The following PRKCA variants were observed in gnomAD, a reference collection of about 807,000 sequenced individuals.
PRKCA encodes protein kinase C alpha.
PRKCA carries 27 observed loss-of-function variants against 87.0 expected under a neutral mutation model. That is an observed-to-expected ratio of 0.31 (90% confidence interval 0.23 to 0.43). PRKCA has a LOEUF of 0.43. Ranked by LOEUF, PRKCA falls within the 20% of genes least tolerant of loss-of-function variation. PRKCA has a pLI of 1.00. For synonymous variants in PRKCA, 329 were observed against 311.1 expected (o/e 1.06, Z -0.61); for missense variants, 518 against 852.3 (o/e 0.61, Z 4.88).
chr17:66,623,988 T>C (rs1041753070), intron 3 of PRKCA, among the ~76,000 whole-genome samples: 8 of 152,112 alleles, frequency 5.3e-5, no homozygotes, highest in Non-Finnish European at 8.8e-5. Context: ...AGTAGGGGGC[T>C]GTACCCAAAG....
intron 5 of PRKCA, among the ~76,000 whole-genome samples, chr17:66,685,123 A>C (rs913677168): frequency 6.6e-6 from 1 of 152,192 alleles, no homozygotes; most frequent in Non-Finnish European, 1.5e-5. Flanking sequence ...AGGAGTCCGG[A>C]ACATCATGCC....
At chr17:66,460,433 C>T (rs79147321) in intron 2 of PRKCA, among the ~76,000 whole-genome samples, 3,258 of 152,316 alleles carry the variant, frequency 0.021, 45 homozygotes, top group South Asian at 0.054. Flanking sequence ...TAAGCGAAGG[C>T]GTGCCACCTC....
intron 2 of PRKCA, among the ~76,000 whole-genome samples, chr17:66,468,880 C>G (rs978521626): frequency 6.6e-6 from 1 of 152,192 alleles, no homozygotes; most frequent in Non-Finnish European, 1.5e-5. Flanking sequence ...CTCTCTATTT[C>G]CCCTGAAGGT....
chr17:66,400,374 A>G (rs1190294260), intron 2 of PRKCA, among the ~76,000 whole-genome samples: 2 of 152,024 alleles, frequency 1.3e-5, no homozygotes, highest in Non-Finnish European at 2.9e-5. Context: ...CTGGTCTCAA[A>G]CTCCTGACCT....
chr17:66,381,995 C>T (rs1483514020), intron 2 of PRKCA, among the ~76,000 whole-genome samples: 3 of 152,182 alleles, frequency 2.0e-5, no homozygotes, highest in African/African-American at 7.2e-5. Context: ...CAGCAAAATA[C>T]TAAATGTTGT....
chr17:66,393,615 T>C (rs1429123547), intron 2 of PRKCA, among the ~76,000 whole-genome samples: 3 of 151,002 alleles, frequency 2.0e-5, no homozygotes, highest in Non-Finnish European at 4.4e-5. Flanking sequence ...GCAGGAGGCC[T>C]CTCGGCCTTC....
chr17:66,532,431 T>C (rs912660611), intron 3 of PRKCA, among the ~76,000 whole-genome samples: 1 of 151,694 alleles, frequency 6.6e-6, no homozygotes, highest in Non-Finnish European at 1.5e-5. Context: ...AGTGGTGCGA[T>C]CTTGGCTCAC....
chr17:66,545,733 A>G (rs184360682), intron 3 of PRKCA, among the ~76,000 whole-genome samples: 1 of 152,226 alleles, frequency 6.6e-6, no homozygotes, highest in Non-Finnish European at 1.5e-5. Context: ...GAAGAACATT[A>G]AAAAAATCTG....
Position 66,766,474 on chromosome 17 carries a change from C to T in PRKCA, c.1525-7513C>T, listed in dbSNP as rs532752809. 3.3e-5 allele frequency among the ~76,000 whole-genome samples: 5 copies of T among 152,214 alleles called. No individual in the cohort carries two copies. The East Asian group carries it at 9.6e-4, about 29-fold the overall frequency. ...ATATAGGATAGGAAACAAAGTATAA[C>T]CTCCTTTGTTCAGCCCTCACTGATC... On this transcript the variant is annotated intron_variant, in intron 13 of 16. Transcript: ENST00000413366.
rs569756515 is a variant in PRKCA, at chr17:66,349,672, C to A, written c.205+43545C>A. 3.9e-5 allele frequency among the ~76,000 whole-genome samples: 6 copies of A among 152,212 alleles called. No homozygotes were observed. The South Asian group carries it at 1.2e-3, about 32-fold the overall frequency. The stretch of plus-strand genomic sequence containing the variant: ...CCTTTAGTTGTCCAGGTCCTGTATT[C>A]TCACATCTCCTCTGGGCTGCTGACT... On this transcript the variant is annotated intron_variant, in intron 2 of 16. Coordinates refer to ENST00000413366, the MANE Select transcript of PRKCA (RefSeq NM_002737.3).
chr17:66,461,882 TGGGGTTCCTAACTACC>T (rs1199719782), intron 2 of PRKCA, among the ~76,000 whole-genome samples: 7 of 136,784 alleles, frequency 5.1e-5, no homozygotes, highest in South Asian at 2.2e-4. Flanking sequence ...AGGAGGAGAC[TGGGGTTCCTAACTACC>T]GAGGAGGAGA....
intron 5 of PRKCA, among the ~76,000 whole-genome samples, chr17:66,671,209 CAAAAA>C (rs778507190): frequency 1.0e-4 from 5 of 48,448 alleles, no homozygotes; most frequent in Admixed American, 3.1e-4. Context: ...AGACTCATCT[CAAAAA>C]AAAAAAAAAA....
chr17:66,395,550 T>C (rs1297289634), intron 2 of PRKCA, among the ~76,000 whole-genome samples: 1 of 152,154 alleles, frequency 6.6e-6, no homozygotes, highest in Admixed American at 6.5e-5. Context: ...GACTTAGTGC[T>C]TGGGGGCGGT....
chr17:66,587,753 ATG>A (rs1969649637), intron 3 of PRKCA, among the ~76,000 whole-genome samples: 1 of 76,882 alleles, frequency 1.3e-5, no homozygotes, highest in Admixed American at 1.4e-4. Context: ...ATGTGTGTAT[ATG>A]TATACATATA....
chr17:66,522,864 T>C (rs981105675), intron 3 of PRKCA, among the ~76,000 whole-genome samples: 1 of 151,490 alleles, frequency 6.6e-6, no homozygotes, highest in Non-Finnish European at 1.5e-5. Flanking sequence ...TTATTCATAA[T>C]GAAACCTACT....
chr17:66,591,833 AT>A (rs1265606909), intron 3 of PRKCA, among the ~76,000 whole-genome samples: 1 of 152,094 alleles, frequency 6.6e-6, no homozygotes, highest in Non-Finnish European at 1.5e-5. Flanking sequence ...GGGTCCTTTT[AT>A]AAAAACCTAA....
chr17:66,550,126 C>T (rs16959593), intron 3 of PRKCA, among the ~76,000 whole-genome samples: 8,582 of 152,224 alleles, frequency 0.056, 294 homozygotes, highest in East Asian at 0.096. Context: ...TTTTCTGACA[C>T]GTGCAGAGTT....
At position 66,308,210 on chromosome 17, in the gene PRKCA, C is replaced by T. The variant is rs184543349; in HGVS notation, c.205+2083C>T. Among the ~76,000 whole-genome samples, 89 of 152,240 alleles carry T rather than the reference C, an allele frequency of 5.8e-4. 1 individual carries two copies. The highest frequency in any genetic ancestry group is 5.0e-3 in the South Asian group (24 of 4,826). On this transcript the variant is annotated intron_variant, in intron 2 of 16. Coordinates refer to ENST00000413366, the MANE Select transcript of PRKCA (RefSeq NM_002737.3). The stretch of plus-strand genomic sequence containing the variant: ...TGTATGTGTGCATCTTACATTTTAA[C>T]GGGTGCTGCTAAATTGCTCTTCAAG...
chr17:66,386,131 C>G (rs904965516), intron 2 of PRKCA, among the ~76,000 whole-genome samples: 2 of 152,194 alleles, frequency 1.3e-5, no homozygotes, highest in Admixed American at 6.5e-5. Context: ...CTTTTGAAGT[C>G]TCGTTGTGTC....
Sources: allele counts gnomAD v4.1 joint callset (sites outside exome capture counted in the v4.1 genomes callset), GRCh38; gene constraint gnomAD v4.1.1; transcripts MANE v1.5; gene names NCBI Gene and HGNC (gene_info 2026-07-23, HGNC 2026-07-21).